CCDC141: variants seen among roughly 807,000 people sequenced by gnomAD.
CCDC141 encodes coiled-coil domain-containing protein 141.
Under a neutral mutation model 181.0 loss-of-function variants are expected in CCDC141, and 168 were observed. The observed-to-expected ratio is 0.93, with a 90% CI of 0.82 to 1.05. CCDC141 has a LOEUF of 1.05. CCDC141 is among the 50% of genes least tolerant of loss of function. The probability of loss-of-function intolerance (pLI) is 0.00; values close to 1 mark genes in which losing one functional copy is unlikely to be tolerated. For missense variants in CCDC141, 1,902 were observed against 1,788.5 expected (o/e 1.06, Z -1.14); for synonymous variants, 666 against 642.3 (o/e 1.04, Z -0.56).
At chr2:178,893,334 G>A (rs1023646983) in intron 8 of CCDC141, among the ~76,000 whole-genome samples, 1 of 151,962 alleles carries the variant, frequency 6.6e-6, no homozygotes, top group Non-Finnish European at 1.5e-5. Flanking sequence ...TGTAAATTGG[G>A]GCTGGAGGAG....
rs1160587752 is a variant in CCDC141, at chr2:178,856,562, TTCTCTTTC to T, written c.2725-173_2725-166del. Among the ~76,000 whole-genome samples, 4 of 145,230 alleles carry T rather than the reference TTCTCTTTC, an allele frequency of 2.8e-5. No homozygotes were observed. The East Asian group carries it at 6.6e-4, about 24-fold the overall frequency. Reference sequence around the variant, plus strand: ...CCTCTCTCTTTCTTTCTTTCACTCTTTCTCTTTCTCTCTTTCTTTCTTCTCTCTCTCCC... The same window carrying T: ...CCTCTCTCTTTCTTTCTTTCACTCTTTCTCTTTCTTTCTTCTCTCTCTCCC... On this transcript the variant is annotated intron_variant, in intron 17 of 23. Transcript: ENST00000443758.
intron 14 of CCDC141, among the ~76,000 whole-genome samples, chr2:178,871,042 G>A (rs568863943): frequency 1.5e-3 from 235 of 152,230 alleles, no homozygotes; most frequent in Non-Finnish European, 2.6e-3. Flanking sequence ...GGGACCCAGG[G>A]CAGCAGAGCC....
chr2:179,015,125 ATATATC>A (rs2042424807), intron 2 of CCDC141, among the ~76,000 whole-genome samples: 8 of 103,996 alleles, frequency 7.7e-5, no homozygotes, highest in East Asian at 5.5e-4. Flanking sequence ...AATCATATAT[ATATATC>A]ATATCATATA....
intron 16 of CCDC141, among the ~76,000 whole-genome samples, chr2:178,867,498 T>C (rs964323198): frequency 1.7e-4 from 26 of 152,200 alleles, no homozygotes; most frequent in African/African-American, 6.0e-4. Context: ...CTGGTGTGTA[T>C]TTCATACTTT....
chr2:179,021,350 C>A lies in CCDC141; in HGVS notation c.225+25934G>T, dbSNP rs966327530. 3.3e-5 allele frequency among the ~76,000 whole-genome samples: 5 copies of A among 152,156 alleles called. No individual in the cohort carries two copies. The East Asian group carries it at 9.6e-4, about 29-fold the overall frequency. On this transcript the variant is annotated intron_variant, in intron 2 of 23. Transcript: ENST00000443758. ...CCATGCCTATCTGAAGGGGGTGTTA[C>A]CCTGTCCTATTTGTATAGGCTGCCC...
At position 178,918,812 on chromosome 2, in the gene CCDC141, G is replaced by T. The variant is rs1474961913; in HGVS notation, c.993C>A (p.His331Gln). ...YVEKEHLQLS[H>Q]QKLSQLQEEF... is the part of the protein sequence containing the mutation. Reference sequence around the variant, plus strand: ...CTTCTTGAAGCTGACTGAGTTTCTGGTGAGAGAGCTGGAGGTGTTCTTTCT... The same window carrying T: ...CTTCTTGAAGCTGACTGAGTTTCTGTTGAGAGAGCTGGAGGTGTTCTTTCT... Residue 331 changes from histidine to glutamine, a missense_variant, in exon 7 of 24, where the codon CAC (histidine) becomes CAA (glutamine). Physicochemically the swap from His to Gln is conservative, Grantham distance 24. Coordinates refer to ENST00000443758, the MANE Select transcript of CCDC141 (RefSeq NM_173648.4). 1.9e-6 allele frequency: 3 copies of T among 1,550,480 alleles called. No individual in the cohort carries two copies. In the Admixed American group the frequency reaches 5.9e-5, roughly 30 times the overall value.
chr2:178,909,525 G>A (rs1040707197), intron 7 of CCDC141, among the ~76,000 whole-genome samples: 4 of 152,166 alleles, frequency 2.6e-5, no homozygotes, highest in Non-Finnish European at 5.9e-5. Flanking sequence ...ACTTTAACAG[G>A]AAGCTACTTT....
In CCDC141 at chr2:179,019,283, C is replaced by T. The variant is rs556337230; in HGVS notation, c.225+28001G>A. ...TCCAGGAATCAACAAAATATATTCACGGTCTACGTTGCTGATAAGTGAAGC... is the reference window on the plus strand; with the variant it reads ...TCCAGGAATCAACAAAATATATTCATGGTCTACGTTGCTGATAAGTGAAGC... On this transcript the variant is annotated intron_variant, in intron 2 of 23. Transcript: ENST00000443758. 3.3e-5 allele frequency among the ~76,000 whole-genome samples: 5 copies of T among 152,138 alleles called. No homozygotes were observed. In the South Asian group the frequency reaches 6.3e-4, roughly 19 times the overall value.
chr2:178,851,586 T>A (rs768340620), intron 20 of CCDC141, among the ~76,000 whole-genome samples: 18 of 152,032 alleles, frequency 1.2e-4, no homozygotes, highest in Non-Finnish European at 1.5e-4. Context: ...CCAAGCAGAG[T>A]GGCCTGAGAT....
intron 4 of CCDC141, among the ~76,000 whole-genome samples, chr2:178,965,031 A>G (rs1323076710): frequency 2.0e-5 from 3 of 152,220 alleles, no homozygotes; most frequent in East Asian, 1.9e-4. Flanking sequence ...TAAATAACCA[A>G]TTTAAGATGG....
the CCDC141 span, among the ~76,000 whole-genome samples, chr2:178,817,975 G>A: frequency 2.3e-3 from 344 of 152,172 alleles, 20 homozygotes; most frequent in South Asian, 0.066. Flanking sequence ...CCTAATTTTT[G>A]TATTTTTAGT....
chr2:178,992,922 ATGTGAGGAAGGATGTGTTTGCATCCCC>A (rs1195251746), intron 2 of CCDC141, among the ~76,000 whole-genome samples: 1 of 152,150 alleles, frequency 6.6e-6, no homozygotes, highest in East Asian at 1.9e-4. Flanking sequence ...TGCTGCCACC[ATGTGAGGAAGGATGTGTTTGCATCCCC>A]TTACGCTGTG....
intron 2 of CCDC141, among the ~76,000 whole-genome samples, chr2:178,997,981 T>A (rs988869963): frequency 2.0e-5 from 3 of 152,142 alleles, no homozygotes; most frequent in African/African-American, 7.2e-5. Flanking sequence ...TCCCCATGGA[T>A]GATCATCAAA....
chr2:178,852,785 C>A (rs1273877721), intron 20 of CCDC141, among the ~76,000 whole-genome samples: 1 of 152,188 alleles, frequency 6.6e-6, no homozygotes, highest in Non-Finnish European at 1.5e-5. Context: ...TTCCTCAGAA[C>A]CCTCAAGAAC....
chr2:178,858,898 C>G (rs918191846), intron 17 of CCDC141, among the ~76,000 whole-genome samples: 1 of 152,044 alleles, frequency 6.6e-6, no homozygotes, highest in Non-Finnish European at 1.5e-5. Context: ...TATTTGAAAC[C>G]TATATGATAG....
chr2:178,972,375 A>G (rs1690931304), intron 4 of CCDC141, among the ~76,000 whole-genome samples: 1 of 152,236 alleles, frequency 6.6e-6, no homozygotes, highest in Admixed American at 6.5e-5. Flanking sequence ...GTTAGACACT[A>G]TTCTCAGCTT....
chr2:178,817,734 G>A, the CCDC141 span: 95 of 294,418 alleles, frequency 3.2e-4, 2 homozygotes, highest in South Asian at 1.5e-3. Flanking sequence ...TAATATTTTC[G>A]TTCTCTTTTT....
intron 2 of CCDC141, among the ~76,000 whole-genome samples, chr2:178,980,475 A>G (rs1218782945): frequency 6.6e-6 from 1 of 152,190 alleles, no homozygotes; most frequent in Non-Finnish European, 1.5e-5. Flanking sequence ...AATGCAAGCA[A>G]AAACTGTCCT....
rs35755711 is a variant in CCDC141, at chr2:178,867,909, T to C, written c.2574+117A>G. 0.082 allele frequency: 63,233 copies of C among 772,726 alleles called. 3,110 individuals carry two copies. The highest frequency in any genetic ancestry group is 0.18 in the African/African-American group (10,395 of 58,178). The allele number at this position is 772,726 out of a possible 1,614,324, so 47.9% of individuals were successfully genotyped here. ...AATGAATCACAAATAACTACCCCAA[T>C]GGTTTAGTTTATTTTTAAATTTAAC... On this transcript the variant is annotated intron_variant, in intron 16 of 23. Coordinates refer to ENST00000443758, the MANE Select transcript of CCDC141 (RefSeq NM_173648.4).
Sources: gnomAD v4.1 joint callset for allele counts (sites outside exome capture counted in the v4.1 genomes callset) on GRCh38, gnomAD v4.1.1 for gene constraint, MANE v1.5 for transcripts, NCBI Gene and HGNC (gene_info 2026-07-23, HGNC 2026-07-21) for gene names.